The following MTMR9 variants were observed in gnomAD, a reference collection of about 807,000 sequenced individuals.
MTMR9 encodes the protein myotubularin related protein 9.
MTMR9 carries 39 observed loss-of-function variants against 69.5 expected under a neutral mutation model. The ratio of observed to expected loss-of-function variants is 0.56; its 90% CI spans 0.43 to 0.73. MTMR9 has a LOEUF of 0.73. Among genes scored for constraint, MTMR9 ranks in the 30% least tolerant of loss-of-function variants. MTMR9 has a pLI of 0.00. For missense variants in MTMR9, 900 were observed against 671.2 expected (o/e 1.34, Z -3.77); for synonymous variants, 354 against 240.8 (o/e 1.47, Z -4.35).
At chr8:11,310,558 T>C (rs1800155866) in intron 6 of MTMR9, among the ~76,000 whole-genome samples, 1 of 152,190 alleles carries the variant, frequency 6.6e-6, no homozygotes, top group Non-Finnish European at 1.5e-5. Flanking sequence ...GTAGAGTCCC[T>C]TGGGGTCAAG....
At chr8:11,299,944 T>G (rs1189201858) in intron 2 of MTMR9, 79 bp from the exon 3 acceptor site, 9 of 1,511,892 alleles carry the variant, frequency 6.0e-6, no homozygotes, top group Non-Finnish European at 8.0e-6. Flanking sequence ...CCATGTTTGC[T>G]TAATACTAAT....
chr8:11,292,191 A>T (rs1037010574), intron 1 of MTMR9, among the ~76,000 whole-genome samples: 1 of 152,152 alleles, frequency 6.6e-6, no homozygotes, highest in Admixed American at 6.5e-5. Flanking sequence ...GCTGAGTACT[A>T]AGTGTCCATT....
intron 2 of MTMR9, among the ~76,000 whole-genome samples, chr8:11,299,359 A>G (rs1799670444): frequency 6.6e-6 from 1 of 152,198 alleles, no homozygotes; most frequent in African/African-American, 2.4e-5. Context: ...AGATTTTATT[A>G]TGTGCCAGAC....
chr8:11,285,124 G>T (rs936386650), intron 1 of MTMR9, 54 bp downstream of exon 1: 19 of 1,452,666 alleles, frequency 1.3e-5, no homozygotes, highest in Admixed American at 5.0e-5. Flanking sequence ...CCTTGTGGGC[G>T]CCCCGGGAAA....
At chr8:11,303,319 A>G (rs555022988) in intron 3 of MTMR9, among the ~76,000 whole-genome samples, 1 of 151,472 alleles carries the variant, frequency 6.6e-6, no homozygotes, top group Non-Finnish European at 1.5e-5. Flanking sequence ...GTCATTCTCC[A>G]GAGTAGGAAA....
At chr8:11,328,363 GTGTGTGTGTT>G (rs1281171998), downstream of MTMR9, among the ~76,000 whole-genome samples, 1 of 150,692 alleles carries the variant, frequency 6.6e-6, no homozygotes, top group Non-Finnish European at 1.5e-5. Flanking sequence ...GTGTGTGTGT[GTGTGTGTGTT>G]TGTTACACTG....
intron 2 of MTMR9, among the ~76,000 whole-genome samples, chr8:11,299,173 CA>C (rs905438143): frequency 5.9e-5 from 9 of 151,976 alleles, no homozygotes; most frequent in African/African-American, 2.2e-4. Flanking sequence ...ACTAAAAATA[CA>C]AAAAAATTAG....
chr8:11,322,030 T>C (rs919360600), intron 9 of MTMR9, among the ~76,000 whole-genome samples: 2 of 152,170 alleles, frequency 1.3e-5, no homozygotes, highest in African/African-American at 4.8e-5. Context: ...TTCCTTTTGG[T>C]TCATAATAAA....
rs1259529156 is a variant in MTMR9, at chr8:11,323,754, G to A, written c.*966G>A. 2 of 152,122 alleles carry A rather than the reference G, an allele frequency of 1.3e-5. No homozygotes were observed. Among genetic ancestry groups the A allele is most frequent in the Admixed American group, 6.5e-5 (1 of 15,272 alleles). The allele number at this position is 152,122 out of a possible 1,614,324, so 9.4% of individuals were successfully genotyped here. On this transcript the variant is annotated 3_prime_UTR_variant, in exon 10 of 10. Transcript: ENST00000221086. ...TTTTTAATTTGTAAGTATTCTAAGA[G>A]TTTCCTAATACTAAGGTTAAAATTT...
At chr8:11,298,925 T>G in intron 2 of MTMR9, 1 of 950,610 alleles carries the variant, frequency 1.1e-6, no homozygotes. Flanking sequence ...CATTTGAGAA[T>G]GGATCCCTGC....
chr8:11,315,714 C>A (rs562089712), intron 7 of MTMR9: 1 of 152,556 alleles, frequency 6.6e-6, no homozygotes, highest in Non-Finnish European at 1.5e-5. Flanking sequence ...AATGCTGTTA[C>A]GTACACCATG....
rs1394143096 is a variant in MTMR9, at chr8:11,325,488, G to C, written c.*2700G>C. The C allele has an allele frequency of 6.6e-6, 1 of 152,104 alleles. No homozygotes were observed. Among genetic ancestry groups the C allele is most frequent in the Admixed American group, 6.6e-5 (1 of 15,264 alleles). The allele number at this position is 152,104 out of a possible 1,614,324, so 9.4% of individuals were successfully genotyped here. ...GAGGGGCCGGTAATAATCACGTGAG[G>C]GATAATCAGATTCCTGCGTATTCAG... On this transcript the variant is annotated 3_prime_UTR_variant, in exon 10 of 10. Transcript: ENST00000221086.
intron 2 of MTMR9, among the ~76,000 whole-genome samples, chr8:11,299,539 C>A (rs979817379): frequency 6.6e-6 from 1 of 152,136 alleles, no homozygotes; most frequent in African/African-American, 2.4e-5. Flanking sequence ...CATTCTCATT[C>A]CCATCTGACT....
intron 2 of MTMR9, among the ~76,000 whole-genome samples, chr8:11,299,059 G>T (rs1255485207): frequency 1.3e-5 from 2 of 152,162 alleles, no homozygotes; most frequent in Non-Finnish European, 2.9e-5. Flanking sequence ...CAGGTGCGGT[G>T]GCTCACACAT....
intron 1 of MTMR9, among the ~76,000 whole-genome samples, chr8:11,291,984 T>G (rs1799392946): frequency 6.6e-6 from 1 of 152,162 alleles, no homozygotes; most frequent in Non-Finnish European, 1.5e-5. Flanking sequence ...ACTGTCACCA[T>G]AAGTTCAAGA....
At chr8:11,334,148 A>G in the MTMR9 span, among the ~76,000 whole-genome samples, 3 of 152,242 alleles carry the variant, frequency 2.0e-5, no homozygotes, top group Non-Finnish European at 4.4e-5. Flanking sequence ...GCCTTGAGCC[A>G]GATAAACTTG....
intron 8 of MTMR9, 144 bp from the exon 9 acceptor site, chr8:11,319,542 TG>T: frequency 1.3e-6 from 1 of 784,174 alleles, no homozygotes; most frequent in South Asian, 1.8e-5. Context: ...ACAAATCTAT[TG>T]ATTTTTCAAC....
chr8:11,335,363 A>G, the MTMR9 span, among the ~76,000 whole-genome samples: 2 of 152,242 alleles, frequency 1.3e-5, no homozygotes, highest in African/African-American at 2.4e-5. Flanking sequence ...CTAACAAAAT[A>G]TATACAAAAT....
intron 8 of MTMR9, 99 bp downstream of exon 8, chr8:11,316,992 T>C (rs956399412): frequency 9.2e-6 from 6 of 651,186 alleles, no homozygotes; most frequent in Non-Finnish European, 1.5e-5. Context: ...TGGATCTATA[T>C]TAAAATTATT....
Sources: gnomAD v4.1 joint callset for allele counts (sites outside exome capture counted in the v4.1 genomes callset) on GRCh38, gnomAD v4.1.1 for gene constraint, MANE v1.5 for transcripts, NCBI Gene and HGNC (gene_info 2026-07-23, HGNC 2026-07-21) for gene names.